The following CSMD1 variants were observed in gnomAD, a reference collection of about 807,000 sequenced individuals.
The protein encoded by CSMD1 is CUB and Sushi multiple domains 1, also known as CUB and sushi domain-containing protein 1.
Under a neutral mutation model 417.5 loss-of-function variants are expected in CSMD1, and 213 were observed. That is an observed-to-expected ratio of 0.51 (90% CI 0.46 to 0.57). CSMD1 has a LOEUF of 0.57. Among genes scored for constraint, CSMD1 ranks in the 20% least tolerant of loss-of-function variants. CSMD1 has a pLI of 0.00. For missense variants in CSMD1, 6,923 were observed against 4,529.7 expected (o/e 1.53, Z -15.17); for synonymous variants, 2,862 against 1,736.8 (o/e 1.65, Z -16.11).
At chr8:3,470,005 G>C (rs183833301) in intron 11 of CSMD1, among the ~76,000 whole-genome samples, 31 of 152,128 alleles carry the variant, frequency 2.0e-4, no homozygotes, top group African/African-American at 5.5e-4. Context: ...AGTGTAACAA[G>C]CCAAAAAGCG....
chr8:3,374,093 C>G (rs1053845266), intron 18 of CSMD1, among the ~76,000 whole-genome samples: 9 of 152,066 alleles, frequency 5.9e-5, no homozygotes, highest in Non-Finnish European at 1.2e-4. Flanking sequence ...GCTGGGATTA[C>G]ACACATGTAT....
intron 2 of CSMD1, among the ~76,000 whole-genome samples, chr8:4,493,850 A>G (rs915055222): frequency 2.0e-5 from 3 of 152,230 alleles, no homozygotes; most frequent in Non-Finnish European, 4.4e-5. Flanking sequence ...GTTTTTATTT[A>G]GTTCCAGCCA....
At chr8:3,008,768 G>C (rs936870211) in intron 52 of CSMD1, among the ~76,000 whole-genome samples, 3 of 152,164 alleles carry the variant, frequency 2.0e-5, no homozygotes, top group African/African-American at 4.8e-5. Flanking sequence ...CTACTGAAAG[G>C]AGTTATGCGG....
intron 3 of CSMD1, among the ~76,000 whole-genome samples, chr8:4,298,992 T>C (rs75089761): frequency 0.023 from 3,531 of 152,136 alleles, 135 homozygotes; most frequent in African/African-American, 0.081. Flanking sequence ...GCTTTGCAGA[T>C]CTACTGATGT....
chr8:3,100,415 C>T (rs940039988), intron 46 of CSMD1, among the ~76,000 whole-genome samples: 1 of 152,196 alleles, frequency 6.6e-6, no homozygotes, highest in East Asian at 1.9e-4. Flanking sequence ...CACTCCTTCT[C>T]CTCAGTGTTA....
chr8:4,326,414 G>A (rs902849924), intron 3 of CSMD1, among the ~76,000 whole-genome samples: 1 of 152,070 alleles, frequency 6.6e-6, no homozygotes, highest in African/African-American at 2.4e-5. Flanking sequence ...TAAAAAGATG[G>A]GAAAACCAAT....
intron 1 of CSMD1, among the ~76,000 whole-genome samples, chr8:4,870,675 T>C (rs1040669309): frequency 6.6e-6 from 1 of 152,040 alleles, no homozygotes; most frequent in Non-Finnish European, 1.5e-5. Context: ...AGTACAGAAG[T>C]AGGGAGAGCA....
intron 7 of CSMD1, among the ~76,000 whole-genome samples, chr8:3,646,761 T>C (rs1040534985): frequency 3.3e-5 from 5 of 152,138 alleles, no homozygotes; most frequent in Admixed American, 6.5e-5. Flanking sequence ...AACGTTTTCA[T>C]GGATAACCAC....
intron 5 of CSMD1, among the ~76,000 whole-genome samples, chr8:3,958,243 C>T (rs755731657): frequency 4.0e-5 from 6 of 151,822 alleles, no homozygotes; most frequent in Non-Finnish European, 7.4e-5. Flanking sequence ...TAGACTACGT[C>T]TTCCATCGTT....
intron 1 of CSMD1, among the ~76,000 whole-genome samples, chr8:4,974,852 T>C (rs1314480808): frequency 6.6e-6 from 1 of 152,206 alleles, no homozygotes; most frequent in African/African-American, 2.4e-5. Flanking sequence ...TTATTAAGCA[T>C]TATAACTATG....
At chr8:3,336,404 G>C (rs545295471) in intron 23 of CSMD1, among the ~76,000 whole-genome samples, 4 of 152,126 alleles carry the variant, frequency 2.6e-5, no homozygotes, top group African/African-American at 7.2e-5. Flanking sequence ...AGAGTCTGAA[G>C]AAAAACATAC....
At chr8:2,973,518 G>C (rs1409390892) in intron 56 of CSMD1, among the ~76,000 whole-genome samples, 1 of 152,132 alleles carries the variant, frequency 6.6e-6, no homozygotes, top group African/African-American at 2.4e-5. Flanking sequence ...CTTCACAATA[G>C]CCTATTCAAA....
intron 50 of CSMD1, among the ~76,000 whole-genome samples, chr8:3,029,919 G>A (rs973297508): frequency 3.3e-5 from 5 of 151,944 alleles, no homozygotes; most frequent in Non-Finnish European, 5.9e-5. Flanking sequence ...AACCAGCTGG[G>A]ACACTAATTT....
At chr8:3,067,783 T>C (rs905392337) in intron 49 of CSMD1, among the ~76,000 whole-genome samples, 7 of 151,894 alleles carry the variant, frequency 4.6e-5, no homozygotes, top group African/African-American at 7.2e-5. Flanking sequence ...AACTTTATGG[T>C]TTCTATCCTT....
chr8:3,769,639 C>T (rs999156968), intron 5 of CSMD1, among the ~76,000 whole-genome samples: 12 of 151,868 alleles, frequency 7.9e-5, no homozygotes, highest in African/African-American at 2.9e-4. Flanking sequence ...CACTTTTTTC[C>T]ATTAAGAGAA....
chr8:3,783,017 C>A (rs558988708), intron 5 of CSMD1, among the ~76,000 whole-genome samples: 4 of 152,132 alleles, frequency 2.6e-5, no homozygotes, highest in Non-Finnish European at 4.4e-5. Context: ...TATAGCACAT[C>A]GCAAGCACGC....
At chr8:4,394,218 G>C (rs1030336298) in intron 3 of CSMD1, among the ~76,000 whole-genome samples, 1 of 152,034 alleles carries the variant, frequency 6.6e-6, no homozygotes, top group Non-Finnish European at 1.5e-5. Flanking sequence ...CTAGGTCTTA[G>C]AAAAACAGTA....
At chr8:4,740,191 T>G (rs1277665672) in intron 1 of CSMD1, among the ~76,000 whole-genome samples, 1 of 152,146 alleles carries the variant, frequency 6.6e-6, no homozygotes, top group Admixed American at 6.5e-5. Flanking sequence ...GAACACATTA[T>G]CTTATTGTTT....
chr8:4,462,492 G>T (rs1375522033), intron 2 of CSMD1, among the ~76,000 whole-genome samples: 3 of 152,006 alleles, frequency 2.0e-5, no homozygotes, highest in Non-Finnish European at 4.4e-5. Context: ...TTAACAAGCT[G>T]ATCCTAAAAT....
Sources: allele counts gnomAD v4.1 joint callset (sites outside exome capture counted in the v4.1 genomes callset), GRCh38; gene constraint gnomAD v4.1.1; transcripts MANE v1.5; gene names NCBI Gene and HGNC (gene_info 2026-07-23, HGNC 2026-07-21).